The following RBFOX1 variants were observed in gnomAD, a reference collection of about 807,000 sequenced individuals.
RBFOX1 encodes RNA binding fox-1 homolog 1, also known as RNA binding protein fox-1 homolog 1.
In RBFOX1, 8 loss-of-function variants were observed where a neutral mutation model predicts 57.7. The observed-to-expected ratio is 0.14, with a 90% confidence interval of 0.08 to 0.25. The LOEUF (loss-of-function observed/expected upper bound fraction) is 0.25. Among genes scored for constraint, RBFOX1 ranks in the 10% least tolerant of loss-of-function variants. RBFOX1 has a pLI of 1.00. For synonymous variants in RBFOX1, 326 were observed against 222.4 expected (o/e 1.47, Z -4.15); for missense variants, 611 against 548.5 (o/e 1.11, Z -1.14).
At chr16:7,548,345 C>G (rs1481464628) in intron 5 of RBFOX1, among the ~76,000 whole-genome samples, 1 of 152,140 alleles carries the variant, frequency 6.6e-6, no homozygotes, top group East Asian at 1.9e-4. Flanking sequence ...TTAGTAGAGA[C>G]AGGGTTTCAC....
chr16:6,912,144 C>G (rs9931096), intron 3 of RBFOX1, among the ~76,000 whole-genome samples: 2 of 152,146 alleles, frequency 1.3e-5, no homozygotes, highest in South Asian at 2.1e-4. Flanking sequence ...CGTTTGAGTT[C>G]TATTTTCATG....
At chr16:7,631,194 G>A (rs1386016343) in intron 11 of RBFOX1, among the ~76,000 whole-genome samples, 1 of 147,630 alleles carries the variant, frequency 6.8e-6, no homozygotes, top group African/African-American at 2.6e-5. Flanking sequence ...GAGGAGCAGA[G>A]AGAGAAATGT....
At chr16:6,796,504 T>C (rs531373136) in intron 3 of RBFOX1, among the ~76,000 whole-genome samples, 1 of 152,336 alleles carries the variant, frequency 6.6e-6, no homozygotes, top group South Asian at 2.1e-4. Flanking sequence ...TAAATAACTC[T>C]TTCATCCACT....
intron 4 of RBFOX1, among the ~76,000 whole-genome samples, chr16:7,067,939 C>G (rs1421757068): frequency 6.8e-6 from 1 of 146,736 alleles, no homozygotes; most frequent in African/African-American, 2.6e-5. Flanking sequence ...TTCCTAGTGT[C>G]TAGAGGGCGC....
intron 3 of RBFOX1, among the ~76,000 whole-genome samples, chr16:6,947,649 C>A (rs1010554471): frequency 6.6e-6 from 1 of 152,216 alleles, no homozygotes; most frequent in East Asian, 1.9e-4. Flanking sequence ...GATTTAAGTT[C>A]TGTTCTATCG....
chr16:5,772,161 G>T (rs912059411), intron 3 of RBFOX1, among the ~76,000 whole-genome samples: 3 of 152,156 alleles, frequency 2.0e-5, no homozygotes, highest in African/African-American at 7.2e-5. Flanking sequence ...GACAGAGCAA[G>T]ACTCTGTCTA....
At chr16:6,074,440 G>C (rs527907213) in intron 1 of RBFOX1, among the ~76,000 whole-genome samples, 169 of 152,306 alleles carry the variant, frequency 1.1e-3, no homozygotes, top group African/African-American at 3.9e-3. Flanking sequence ...AACCAATCAT[G>C]ATAAAATCTC....
intron 4 of RBFOX1, among the ~76,000 whole-genome samples, chr16:7,210,553 G>A (rs79165531): frequency 0.017 from 2,598 of 152,196 alleles, 37 homozygotes; most frequent in African/African-American, 0.042. Context: ...TGGAATAAAC[G>A]GATACTGTAT....
At chr16:5,629,387 A>T (rs188490049) in intron 3 of RBFOX1, among the ~76,000 whole-genome samples, 1 of 152,238 alleles carries the variant, frequency 6.6e-6, no homozygotes, top group African/African-American at 2.4e-5. Context: ...GCCGTGGTCA[A>T]CCAGGACTGC....
At chr16:6,312,183 G>C (rs2080403549) in intron 1 of RBFOX1, among the ~76,000 whole-genome samples, 1 of 152,082 alleles carries the variant, frequency 6.6e-6, no homozygotes, top group Admixed American at 6.6e-5. Flanking sequence ...CAATAAATGG[G>C]CATGTTTCTT....
intron 4 of RBFOX1, among the ~76,000 whole-genome samples, chr16:7,076,991 G>A (rs551508839): frequency 3.3e-5 from 5 of 152,246 alleles, no homozygotes; most frequent in African/African-American, 9.6e-5. Flanking sequence ...TTGGGTGTAC[G>A]CGAGAGAGGT....
At chr16:6,914,549 G>A (rs1414919084) in intron 3 of RBFOX1, among the ~76,000 whole-genome samples, 1 of 144,680 alleles carries the variant, frequency 6.9e-6, no homozygotes, top group Non-Finnish European at 1.5e-5. Context: ...TTCAGCTCCA[G>A]AAGAAAACAA....
At chr16:5,629,661 C>A (rs2048443397) in intron 3 of RBFOX1, among the ~76,000 whole-genome samples, 1 of 152,182 alleles carries the variant, frequency 6.6e-6, no homozygotes, top group African/African-American at 2.4e-5. Flanking sequence ...ATAATAGTTG[C>A]TCTGAGCCTT....
At chr16:6,101,521 T>C (rs2152557440) in intron 1 of RBFOX1, among the ~76,000 whole-genome samples, 1 of 152,266 alleles carries the variant, frequency 6.6e-6, no homozygotes, top group East Asian at 1.9e-4. Flanking sequence ...AGTTTCGCTC[T>C]TGTTGCCTAG....
At chr16:6,719,301 A>T (rs1472048388) in intron 3 of RBFOX1, among the ~76,000 whole-genome samples, 1 of 152,356 alleles carries the variant, frequency 6.6e-6, no homozygotes, top group South Asian at 2.1e-4. Context: ...AAGAGGAAAA[A>T]ATAGCCCACT....
intron 1 of RBFOX1, among the ~76,000 whole-genome samples, chr16:6,036,489 A>T (rs1404358883): frequency 2.6e-5 from 4 of 152,054 alleles, no homozygotes; most frequent in African/African-American, 9.7e-5. Context: ...AACTTGATGA[A>T]CCTATATGCA....
chr16:5,750,582 C>A (rs1004635320), intron 3 of RBFOX1, among the ~76,000 whole-genome samples: 1 of 152,232 alleles, frequency 6.6e-6, no homozygotes, highest in Non-Finnish European at 1.5e-5. Flanking sequence ...GCCCCTCCCC[C>A]AGCCTCGCTG....
chr16:6,836,038 A>G (rs2093070671), intron 3 of RBFOX1, among the ~76,000 whole-genome samples: 1 of 152,208 alleles, frequency 6.6e-6, no homozygotes, highest in East Asian at 1.9e-4. Flanking sequence ...TTGGAGGAGA[A>G]AAGAAACCTA....
At chr16:5,648,955 T>A (rs1014813429) in intron 3 of RBFOX1, among the ~76,000 whole-genome samples, 2 of 151,820 alleles carry the variant, frequency 1.3e-5, no homozygotes, top group Non-Finnish European at 2.9e-5. Flanking sequence ...TCCCAGCTAC[T>A]TGGGAGGCTG....
Sources: allele counts gnomAD v4.1 joint callset (sites outside exome capture counted in the v4.1 genomes callset), GRCh38; gene constraint gnomAD v4.1.1; transcripts MANE v1.5; gene names NCBI Gene and HGNC (gene_info 2026-07-23, HGNC 2026-07-21).